GRID1: variants seen among roughly 807,000 people sequenced by gnomAD.
GRID1 encodes glutamate receptor ionotropic, delta-1.
Under a neutral mutation model 98.0 loss-of-function variants are expected in GRID1, and 28 were observed. That is an observed-to-expected ratio of 0.29 (90% CI 0.21 to 0.39). The LOEUF (loss-of-function observed/expected upper bound fraction) is 0.39, where lower values mean the gene tolerates loss of function less well. GRID1 is among the 10% of genes least tolerant of loss of function. GRID1 has a pLI of 1.00. For missense variants in GRID1, 1,111 were observed against 1,340.5 expected, an observed-to-expected ratio of 0.83 and a Z score of 2.67; for synonymous variants, 553 against 538.5, an observed-to-expected ratio of 1.03 and a Z score of -0.37.
chr10:86,265,644 A>C (rs1328770315), intron 2 of GRID1, among the ~76,000 whole-genome samples: 1 of 152,324 alleles, frequency 6.6e-6, no homozygotes, highest in East Asian at 1.9e-4. Flanking sequence ...TAGAGGTTGG[A>C]GGGAAGAGGG....
intron 2 of GRID1, among the ~76,000 whole-genome samples, chr10:86,350,154 T>C (rs2132115947): frequency 6.6e-6 from 1 of 152,250 alleles, no homozygotes; most frequent in South Asian, 2.1e-4. Context: ...AAAAGGCCAA[T>C]GTGGCCAGAG....
intron 6 of GRID1, among the ~76,000 whole-genome samples, chr10:85,863,289 G>T (rs1002638201): frequency 2.6e-5 from 4 of 152,202 alleles, no homozygotes; most frequent in Admixed American, 1.3e-4. Flanking sequence ...CAGAGTGGAA[G>T]AGGAGAAGTC....
At chr10:85,749,026 A>G (rs749490192) in intron 8 of GRID1, among the ~76,000 whole-genome samples, 2 of 152,148 alleles carry the variant, frequency 1.3e-5, no homozygotes, top group South Asian at 2.1e-4. Context: ...AAACTGCACC[A>G]TATCTATTAC....
intron 4 of GRID1, among the ~76,000 whole-genome samples, chr10:86,034,279 C>T (rs566110642): frequency 6.2e-4 from 95 of 152,126 alleles, no homozygotes; most frequent in African/African-American, 2.1e-3. Context: ...TGCAGAATAT[C>T]AAATATATAA....
At chr10:85,751,824 T>C (rs1057493564) in intron 8 of GRID1, among the ~76,000 whole-genome samples, 1 of 152,186 alleles carries the variant, frequency 6.6e-6, no homozygotes, top group African/African-American at 2.4e-5. Flanking sequence ...TAAAAAACTT[T>C]CCATAATGAG....
chr10:85,989,973 T>C (rs965848360), intron 4 of GRID1, among the ~76,000 whole-genome samples: 45 of 152,224 alleles, frequency 3.0e-4, no homozygotes, highest in Middle Eastern at 3.4e-3. Flanking sequence ...CCTGTGAAAT[T>C]ACAGCAAAAA....
chr10:85,621,650 G>T (rs1184304813), intron 13 of GRID1, among the ~76,000 whole-genome samples: 1 of 152,066 alleles, frequency 6.6e-6, no homozygotes, highest in East Asian at 1.9e-4. Flanking sequence ...CTTTCACCTC[G>T]AGGAGCAATC....
chr10:85,825,564 C>T (rs1842811980), intron 8 of GRID1, among the ~76,000 whole-genome samples: 2 of 152,052 alleles, frequency 1.3e-5, no homozygotes, highest in African/African-American at 4.8e-5. Flanking sequence ...AATACTGAAA[C>T]TTTTCAGTGT....
intron 4 of GRID1, among the ~76,000 whole-genome samples, chr10:86,113,280 T>C (rs779522333): frequency 9.9e-5 from 15 of 152,096 alleles, no homozygotes; most frequent in Non-Finnish European, 1.9e-4. Flanking sequence ...TGGCATTCTC[T>C]CACCCACCTC....
Position 85,875,892 on chromosome 10 carries a change from A to C in GRID1, c.781-6712T>G, listed in dbSNP as rs61600900. On this transcript the variant is annotated intron_variant, in intron 5 of 15. Coordinates refer to ENST00000327946, the MANE Select transcript of GRID1 (RefSeq NM_017551.3). Reference sequence around the variant, plus strand: ...AGTTTATTGGTAAGGCTTCTTTTAGAGACCTCAGACCTTATATCTGGGGTC... The same window carrying C: ...AGTTTATTGGTAAGGCTTCTTTTAGCGACCTCAGACCTTATATCTGGGGTC... 3.5e-3 allele frequency among the ~76,000 whole-genome samples: 540 copies of C among 152,312 alleles called. 2 individuals are homozygous for C. The highest frequency in any genetic ancestry group is 0.012 in the African/African-American group (501 of 41,572).
chr10:86,223,892 C>A (rs946574764), intron 2 of GRID1, among the ~76,000 whole-genome samples: 5 of 152,158 alleles, frequency 3.3e-5, no homozygotes, highest in Admixed American at 6.5e-5. Flanking sequence ...CAAGGACCAG[C>A]AGGTGATAGA....
chr10:85,865,967 A>ATATATG (rs1843216527), intron 6 of GRID1, among the ~76,000 whole-genome samples: 1 of 93,450 alleles, frequency 1.1e-5, no homozygotes, highest in African/African-American at 4.9e-5. Context: ...AGAGAGAGAG[A>ATATATG]GAGAGAGAGA....
chr10:85,967,486 A>G (rs1313308622), intron 4 of GRID1, among the ~76,000 whole-genome samples: 2 of 152,214 alleles, frequency 1.3e-5, no homozygotes, highest in African/African-American at 4.8e-5. Flanking sequence ...AAATGCATTC[A>G]ATATAAATTG....
chr10:86,127,085 T>C (rs1314261869), intron 4 of GRID1, among the ~76,000 whole-genome samples: 5 of 152,200 alleles, frequency 3.3e-5, no homozygotes, highest in Non-Finnish European at 7.3e-5. Context: ...ATTTGATCAT[T>C]ATAGGGCAGA....
intron 4 of GRID1, among the ~76,000 whole-genome samples, chr10:86,031,657 G>A (rs947227219): frequency 3.3e-5 from 5 of 151,666 alleles, no homozygotes; most frequent in Non-Finnish European, 7.4e-5. Flanking sequence ...ACCACCTCTT[G>A]CCTGGGTTGC....
rs1305958560 is a variant in GRID1 at position 85,693,270 on chromosome 10, A to ATCCCAGTT, written c.1997+29725_1997+29732dup. 7.2e-5 allele frequency among the ~76,000 whole-genome samples: 11 copies of ATCCCAGTT among 152,312 alleles called. 1 individual carries two copies. The South Asian group carries it at 2.3e-3, about 32-fold the overall frequency. On this transcript the variant is annotated intron_variant, in intron 12 of 15. Transcript: ENST00000327946. ...ATGGAGCAAGTGGATATTTAGAATT[A>ATCCCAGTT]TCCCAGTTTCTGCTTAGTCAATAAA...
intron 2 of GRID1, among the ~76,000 whole-genome samples, chr10:86,337,381 C>G (rs1377806214): frequency 6.6e-6 from 1 of 152,172 alleles, no homozygotes; most frequent in Non-Finnish European, 1.5e-5. Context: ...GAGTCTGTAG[C>G]CCGGGCCTTC....
chr10:85,739,081 A>C (rs575405165), intron 8 of GRID1, among the ~76,000 whole-genome samples: 2 of 151,948 alleles, frequency 1.3e-5, no homozygotes, highest in South Asian at 4.2e-4. Flanking sequence ...TAAAATCATT[A>C]TATATATATA....
At chr10:85,635,753 A>G (rs1031058424) in intron 13 of GRID1, among the ~76,000 whole-genome samples, 1 of 152,184 alleles carries the variant, frequency 6.6e-6, no homozygotes, top group Non-Finnish European at 1.5e-5. Flanking sequence ...GTAAGGGGAA[A>G]GGGAAAGCCC....
Sources: allele counts gnomAD v4.1 joint callset (sites outside exome capture counted in the v4.1 genomes callset), GRCh38; gene constraint gnomAD v4.1.1; transcripts MANE v1.5; gene names NCBI Gene and HGNC (gene_info 2026-07-23, HGNC 2026-07-21).